Variants in STK38 observed in about 807,000 individuals in gnomAD.
STK38 encodes serine/threonine-protein kinase 38.
STK38 carries 26 observed loss-of-function variants against 59.0 expected under a neutral mutation model. The observed-to-expected ratio is 0.44, with a 90% CI of 0.32 to 0.61. STK38 has a LOEUF of 0.61. STK38 is among the 20% of genes least tolerant of loss of function. The probability of loss-of-function intolerance (pLI) is 0.04; values close to 1 mark genes in which losing one functional copy is unlikely to be tolerated. For synonymous variants in STK38, 175 were observed against 176.6 expected (o/e 0.99, Z 0.07); for missense variants, 433 against 566.0 (o/e 0.76, Z 2.38).
rs1328851105 is a variant in STK38 at position 36,499,890 on chromosome 6, A to G, written c.935T>C (p.Met312Thr). ...LCDWWSLGVI[M>T]YEMLIGYPPF... ...CAACTTACCGATGAGCATCTCATAC[A>G]TGATCACCCCAAGCGACCACCAATC... Residue 312 changes from methionine to threonine, a missense_variant, in exon 10 of 14, where the codon ATG (methionine) becomes ACG (threonine). Physicochemically the swap from Met to Thr is moderately conservative, Grantham distance 81. Around this residue, in one of 3 missense-constraint regions of STK38, gnomAD observed 293 missense variants for 388.2 expected, o/e 0.75. Transcript: ENST00000229812. 4 of 1,613,998 alleles carry G rather than the reference A, an allele frequency of 2.5e-6. No individual in the cohort carries two copies. The highest frequency in any genetic ancestry group is 2.2e-5 in the East Asian group (1 of 44,864).
At chr6:36,511,555 AC>A (rs1269029168) in intron 7 of STK38, among the ~76,000 whole-genome samples, 1 of 151,474 alleles carries the variant, frequency 6.6e-6, no homozygotes, top group Non-Finnish European at 1.5e-5. Context: ...ACAGGGTTTT[AC>A]CACCTTGGCC....
chr6:36,534,861 T>C (rs983107894), intron 2 of STK38, among the ~76,000 whole-genome samples: 11 of 141,928 alleles, frequency 7.8e-5, no homozygotes, highest in Admixed American at 3.5e-4. Flanking sequence ...AAAAGGTGAA[T>C]AGATTGAAAA....
In STK38 at chr6:36,494,412, T is replaced by C. The variant is rs1479709327; in HGVS notation, c.*1372A>G. ...AAAGTTCCCACATAGGTGCAAATGA[T>C]GCTTTAAGAGTTATCAAAACTTTTT... is the stretch of plus-strand genomic sequence containing the variant. On this transcript the variant is annotated 3_prime_UTR_variant, in exon 14 of 14. Transcript: ENST00000229812. 2.0e-5 allele frequency: 3 copies of C among 152,690 alleles called. No homozygotes were observed. Among genetic ancestry groups the C allele is most frequent in the Non-Finnish European group, 1.5e-5 (1 of 68,048 alleles). The allele number at this position is 152,690 out of a possible 1,614,324, so 9.5% of individuals were successfully genotyped here. A position where few individuals can be genotyped will look rare whatever the true frequency, so the allele number is the denominator to read the frequency against.
intron 7 of STK38, among the ~76,000 whole-genome samples, chr6:36,508,651 G>A (rs1037165374): frequency 5.9e-5 from 9 of 152,194 alleles, no homozygotes; most frequent in Non-Finnish European, 1.2e-4. Flanking sequence ...GCTCAGGTCC[G>A]CTGGGCTCAT....
At chr6:36,543,100 T>C (rs1433445087) in intron 1 of STK38, among the ~76,000 whole-genome samples, 2 of 151,768 alleles carry the variant, frequency 1.3e-5, no homozygotes, top group Non-Finnish European at 2.9e-5. Flanking sequence ...AGTCTCGCTC[T>C]GTCGCCCAGG....
intron 9 of STK38, among the ~76,000 whole-genome samples, chr6:36,504,440 G>A (rs1026414997): frequency 5.3e-5 from 8 of 152,236 alleles, no homozygotes; most frequent in East Asian, 1.9e-4. Context: ...AACCATTAAC[G>A]AATATCAATC....
chr6:36,495,966 C>CT lies in STK38; in HGVS notation c.1268-53dup, dbSNP rs780297575. ...GATTCACTGCCTTGCCTCCAATGGA[C>CT]TGCTCACGGTGCTGAAGACAGGACT... On this transcript the variant is annotated intron_variant, in intron 13 of 13. Transcript: ENST00000229812. The CT allele has an allele frequency of 9.3e-6, 15 of 1,607,096 alleles. No individual in the cohort carries two copies. The African/African-American group carries it at 1.5e-4, about 16-fold the overall frequency.
intron 2 of STK38, among the ~76,000 whole-genome samples, chr6:36,535,544 G>A (rs764507283): frequency 3.3e-5 from 5 of 152,024 alleles, no homozygotes; most frequent in Non-Finnish European, 5.9e-5. Flanking sequence ...TTAAGATGTC[G>A]ATTCTCCACG....
Position 36,494,050 on chromosome 6 carries a change from G to A in STK38, c.*1734C>T, listed in dbSNP as rs1428181045. 2 of 152,088 alleles carry A rather than the reference G, an allele frequency of 1.3e-5. No homozygotes were observed. Among genetic ancestry groups the A allele is most frequent in the South Asian group, 2.1e-4 (1 of 4,820 alleles). The allele number at this position is 152,088 out of a possible 1,614,324, so 9.4% of individuals were successfully genotyped here. A position where few individuals can be genotyped will look rare whatever the true frequency, so the allele number is the denominator to read the frequency against. On this transcript the variant is annotated 3_prime_UTR_variant, in exon 14 of 14. Transcript: ENST00000229812. ...CCACACATTCTTGCAAAACACACAG[G>A]AGTCAACACCCCAACTATTTGGTAA...
Position 36,495,548 on chromosome 6 carries a change from T to C in STK38, c.*236A>G, listed in dbSNP as rs372463966. The C allele has an allele frequency of 1.2e-5, 5 of 424,222 alleles. No individual in the cohort carries two copies. The South Asian group carries it at 1.6e-4, about 14-fold the overall frequency. 26.3% of individuals were successfully genotyped at this position (424,222 alleles called of 1,614,324 possible). A position where few individuals can be genotyped will look rare whatever the true frequency, so the allele number is the denominator to read the frequency against. ...ACCTATCAAATTGGCTCATGATGCT[T>C]CTCTTCCAAAGCAGGATAGCTGTTT... On this transcript the variant is annotated 3_prime_UTR_variant, in exon 14 of 14. Transcript: ENST00000229812.
intron 7 of STK38, among the ~76,000 whole-genome samples, chr6:36,513,898 G>C (rs1306372894): frequency 7.0e-6 from 1 of 143,416 alleles, no homozygotes; most frequent in African/African-American, 2.6e-5. Flanking sequence ...GCTCACGCCT[G>C]TAATCCCAGC....
At chr6:36,500,018 G>T in intron 9 of STK38, 28 bp from the exon 10 acceptor site, 1 of 1,568,944 alleles carries the variant, frequency 6.4e-7, no homozygotes, top group Non-Finnish European at 8.8e-7. Context: ...CATCAGCGAG[G>T]CCCAGCCAGG....
At chr6:36,514,528 T>C (rs1049184245) in intron 7 of STK38, among the ~76,000 whole-genome samples, 2 of 148,708 alleles carry the variant, frequency 1.3e-5, no homozygotes, top group South Asian at 2.1e-4. Context: ...ATTTTCACTT[T>C]ACGGATAAGA....
At chr6:36,504,198 T>C (rs1290159867) in intron 9 of STK38, among the ~76,000 whole-genome samples, 1 of 152,228 alleles carries the variant, frequency 6.6e-6, no homozygotes, top group Non-Finnish European at 1.5e-5. Context: ...CCTATGTGTC[T>C]ATTACCTTTT....
At chr6:36,527,290 A>G (rs1777550819) in intron 2 of STK38, among the ~76,000 whole-genome samples, 1 of 146,460 alleles carries the variant, frequency 6.8e-6, no homozygotes, top group African/African-American at 2.5e-5. Flanking sequence ...ATATATACAT[A>G]TACACATATG....
chr6:36,522,941 CTT>C (rs1561984422), intron 4 of STK38, among the ~76,000 whole-genome samples: 2 of 150,230 alleles, frequency 1.3e-5, no homozygotes, highest in Non-Finnish European at 3.0e-5. Context: ...TTTTCCTTCT[CTT>C]TTATGTTTTC....
chr6:36,524,566 G>A, intron 3 of STK38, 103 bp from the exon 4 acceptor site: 2 of 1,180,140 alleles, frequency 1.7e-6, no homozygotes, highest in Non-Finnish European at 2.4e-6. Flanking sequence ...ACAGGTCCAA[G>A]TGGACTAAGG....
At chr6:36,506,870 C>A (rs1176133308) in intron 8 of STK38, among the ~76,000 whole-genome samples, 1 of 152,062 alleles carries the variant, frequency 6.6e-6, no homozygotes, top group East Asian at 1.9e-4. Flanking sequence ...AAAGGCACTC[C>A]CATGTGGATC....
At chr6:36,496,184 C>T (rs1484455772) in intron 13 of STK38, among the ~76,000 whole-genome samples, 6 of 151,834 alleles carry the variant, frequency 4.0e-5, no homozygotes, top group Admixed American at 2.6e-4. Flanking sequence ...GCTGGGACTA[C>T]AGGCGTGTGC....
Sources: allele counts gnomAD v4.1 joint callset (sites outside exome capture counted in the v4.1 genomes callset), GRCh38; gene constraint gnomAD v4.1.1; regional missense constraint gnomAD v4.1.1; transcripts MANE v1.5; gene names NCBI Gene and HGNC (gene_info 2026-07-23, HGNC 2026-07-21).